DPY19L3: variants seen among roughly 807,000 people sequenced by gnomAD.
DPY19L3 encodes the protein dpy-19 like C-mannosyltransferase 3.
DPY19L3 carries 51 observed loss-of-function variants against 92.3 expected under a neutral mutation model. The ratio of observed to expected loss-of-function variants is 0.55; its 90% CI spans 0.44 to 0.70. The LOEUF is 0.70. Among genes scored for constraint, DPY19L3 ranks in the 30% least tolerant of loss-of-function variants. The pLI is 0.00. For missense variants in DPY19L3, 706 were observed against 855.9 expected, an observed-to-expected ratio of 0.82 and a Z score of 2.18; for synonymous variants, 309 against 315.2, an observed-to-expected ratio of 0.98 and a Z score of 0.21.
chr19:32,418,246 A>G (rs922788736), intron 3 of DPY19L3, among the ~76,000 whole-genome samples: 2 of 152,210 alleles, frequency 1.3e-5, no homozygotes, highest in Non-Finnish European at 2.9e-5. Flanking sequence ...GCAGTAGTCC[A>G]TAGCACACAT....
chr19:32,437,180 G>T lies in DPY19L3; in HGVS notation c.451-14G>T, dbSNP rs750915016. 1.2e-6 allele frequency: 2 copies of T among 1,613,494 alleles called. No individual in the cohort carries two copies. The highest frequency in any genetic ancestry group is 1.7e-5 in the Admixed American group (1 of 59,964). ...GCTCACCTGACAAACATGTTTTATT[G>T]TTCCCTTTTACAGAAATATTTAGAG... On this transcript the variant is annotated splice_polypyrimidine_tract_variant and intron_variant, in intron 5 of 18. Transcript: ENST00000392250.
chr19:32,419,670 G>T (rs1192410381), intron 3 of DPY19L3, among the ~76,000 whole-genome samples: 1 of 152,018 alleles, frequency 6.6e-6, no homozygotes, highest in Admixed American at 6.6e-5. Context: ...TTGGCCTCAA[G>T]CAAGCCTCCC....
At chr19:32,477,854 C>T (rs35258637) in intron 17 of DPY19L3, among the ~76,000 whole-genome samples, 200 bp downstream of exon 17, 26,726 of 152,130 alleles carry the variant, frequency 0.18, 3,169 homozygotes, top group East Asian at 0.44. Context: ...AATTGACTTA[C>T]AGTTCCACAT....
At chr19:32,449,237 G>A (rs975317899) in intron 8 of DPY19L3, among the ~76,000 whole-genome samples, 5 of 152,176 alleles carry the variant, frequency 3.3e-5, no homozygotes, top group Admixed American at 6.5e-5. Flanking sequence ...GACAATTTAC[G>A]CTTTACAAAA....
intron 10 of DPY19L3, among the ~76,000 whole-genome samples, chr19:32,456,664 G>A (rs1969875910): frequency 6.6e-6 from 1 of 151,908 alleles, no homozygotes; most frequent in Non-Finnish European, 1.5e-5. Flanking sequence ...AAACACCTGG[G>A]CTCAAGGTAT....
At chr19:32,427,150 T>A (rs902112999) in intron 3 of DPY19L3, among the ~76,000 whole-genome samples, 4 of 152,148 alleles carry the variant, frequency 2.6e-5, no homozygotes, top group African/African-American at 9.6e-5. Flanking sequence ...CATACCACCA[T>A]GCCCAGCTAA....
At chr19:32,479,660 AC>A in intron 17 of DPY19L3, 1 of 396,174 alleles carries the variant, frequency 2.5e-6, no homozygotes, top group South Asian at 1.8e-5. Flanking sequence ...CTCTTCATGA[AC>A]CCCCACATTC....
At chr19:32,455,420 G>A (rs1420935754) in intron 10 of DPY19L3, among the ~76,000 whole-genome samples, 2 of 152,054 alleles carry the variant, frequency 1.3e-5, no homozygotes, top group African/African-American at 2.4e-5. Context: ...GTACTCTTAT[G>A]TCCCACCTTG....
chr19:32,411,374 T>A lies in DPY19L3; in HGVS notation c.237+2T>A. 1 of 1,614,054 alleles carries A rather than the reference T, an allele frequency of 6.2e-7. No individual in the cohort carries two copies. Among genetic ancestry groups the A allele is most frequent in the Non-Finnish European group, 8.5e-7 (1 of 1,179,992 alleles). Reference sequence around the variant, plus strand: ...GATTTATGGTTTTCTAATATTAAGGTATGGAGTTTCTTTGACCATTGTATC... The same window carrying A: ...GATTTATGGTTTTCTAATATTAAGGAATGGAGTTTCTTTGACCATTGTATC... On this transcript the variant is annotated splice_donor_variant, in intron 3 of 18. Coordinates refer to ENST00000392250, the MANE Select transcript of DPY19L3 (RefSeq NM_001172774.2). LOFTEE classifies it high-confidence loss of function.
intron 1 of DPY19L3, among the ~76,000 whole-genome samples, chr19:32,407,409 A>G (rs879313865): frequency 1.3e-5 from 2 of 152,184 alleles, no homozygotes; most frequent in Non-Finnish European, 2.9e-5. Flanking sequence ...AAATTCAGGT[A>G]CCTGAGACAA....
chr19:32,482,198 G>C lies in DPY19L3; in HGVS notation c.2109G>C (p.Gln703His). The change falls in exon 19 of 19, where the codon CAG (glutamine) becomes CAC (histidine). Residue 703 changes from glutamine to histidine, a missense_variant. By Grantham distance (24) the Gln-to-His change is conservative (BLOSUM62 0). Coordinates refer to ENST00000392250, the MANE Select transcript of DPY19L3 (RefSeq NM_001172774.2). ...TGGCCTACTTCACCAGAGTGTTCCA[G>C]AACAAAACCTTCCACGTTTACAAGC... is the stretch of plus-strand genomic sequence containing the variant. ...PYVAYFTRVFQNKTFHVYKLS... is the reference protein window; with the variant it reads ...PYVAYFTRVFHNKTFHVYKLS... 2 of 1,613,720 alleles carry C rather than the reference G, an allele frequency of 1.2e-6. No individual in the cohort carries two copies. Among genetic ancestry groups the C allele is most frequent in the Non-Finnish European group, 1.7e-6 (2 of 1,179,814 alleles).
chr19:32,458,373 C>G lies in DPY19L3; in HGVS notation c.1186C>G (p.Leu396Val). Reference protein sequence around the residue: ...ATRDFDANLYLCEEAFGLLPF... With the variant: ...ATRDFDANLYVCEEAFGLLPF... ...TAGGGATTTTGATGCAAATCTCTAT[C>G]TGTGTGAAGAAGCTTTTGGCCTCCT... is the stretch of plus-strand genomic sequence containing the variant. Residue 396 changes from leucine to valine, a missense_variant, in exon 12 of 19, where the codon CTG becomes GTG. Transcript: ENST00000392250. 6.2e-7 allele frequency: 1 copy of G among 1,612,452 alleles called. No individual in the cohort carries two copies. Among genetic ancestry groups the G allele is most frequent in the Non-Finnish European group, 8.5e-7 (1 of 1,179,674 alleles).
intron 6 of DPY19L3, among the ~76,000 whole-genome samples, chr19:32,438,178 A>G (rs899367818): frequency 2.6e-5 from 4 of 152,206 alleles, no homozygotes; most frequent in Admixed American, 6.5e-5. Flanking sequence ...TGGCAATACC[A>G]GTATTCAATA....
At chr19:32,453,390 A>G (rs2062639718) in intron 9 of DPY19L3, 114 bp downstream of exon 9, 2 of 1,081,372 alleles carry the variant, frequency 1.8e-6, no homozygotes, top group Non-Finnish European at 1.3e-6. Context: ...ATTTGCACTA[A>G]AAAGAGCACG....
intron 8 of DPY19L3, among the ~76,000 whole-genome samples, chr19:32,443,665 C>CAAAATACCTAAATGGT (rs1233523324): frequency 6.6e-6 from 1 of 152,170 alleles, no homozygotes; most frequent in Non-Finnish European, 1.5e-5. Flanking sequence ...TGTTAGATAA[C>CAAAATACCTAAATGGT]AGCCTAAATG....
intron 1 of DPY19L3, among the ~76,000 whole-genome samples, chr19:32,407,859 A>T (rs776703722): frequency 1.3e-5 from 2 of 152,174 alleles, no homozygotes; most frequent in Non-Finnish European, 2.9e-5. Context: ...TTGGGAGTCC[A>T]AGGCGGGGAG....
intron 18 of DPY19L3, chr19:32,481,390 C>T (rs3859523): frequency 0.87 from 132,724 of 152,180 alleles, 58,232 homozygotes; most frequent in African/African-American, 0.97. Flanking sequence ...TTGATTTGAG[C>T]GTGACTTTTT....
intron 6 of DPY19L3, among the ~76,000 whole-genome samples, chr19:32,438,281 C>T (rs564648200): frequency 6.6e-5 from 10 of 152,162 alleles, no homozygotes; most frequent in African/African-American, 2.4e-4. Context: ...TGGGGGTTTA[C>T]TGTATGCCAA....
chr19:32,457,303 T>C (rs1969895936), intron 10 of DPY19L3, among the ~76,000 whole-genome samples: 1 of 152,242 alleles, frequency 6.6e-6, no homozygotes, highest in Non-Finnish European at 1.5e-5. Context: ...GTTCTAGGAC[T>C]GTTAAGATCT....
Sources: allele counts gnomAD v4.1 joint callset (sites outside exome capture counted in the v4.1 genomes callset), GRCh38; gene constraint gnomAD v4.1.1; transcripts MANE v1.5; gene names NCBI Gene and HGNC (gene_info 2026-07-23, HGNC 2026-07-21).